ROR1: variants seen among roughly 807,000 people sequenced by gnomAD.
The protein encoded by ROR1 is inactive tyrosine-protein kinase transmembrane receptor ROR1.
In ROR1, 19 loss-of-function variants were observed where a neutral mutation model predicts 78.8. The observed-to-expected ratio is 0.24, with a 90% confidence interval of 0.17 to 0.35. The LOEUF is 0.35. Ranked by LOEUF, ROR1 falls within the 10% of genes least tolerant of loss-of-function variation. The pLI is 1.00. For synonymous variants in ROR1, 386 were observed against 433.6 expected (o/e 0.89, Z 1.36); for missense variants, 917 against 1,177.8 (o/e 0.78, Z 3.24).
chr1:64,043,693 A>G (rs2100584629), intron 2 of ROR1, among the ~76,000 whole-genome samples: 1 of 152,234 alleles, frequency 6.6e-6, no homozygotes, highest in South Asian at 2.1e-4. Flanking sequence ...GGTTGGATTG[A>G]TTGGGAATCT....
At chr1:63,951,717 T>C (rs921065731) in intron 1 of ROR1, among the ~76,000 whole-genome samples, 11 of 151,804 alleles carry the variant, frequency 7.2e-5, no homozygotes, top group Non-Finnish European at 1.2e-4. Context: ...CACCCCCCCC[T>C]CACCACCAGC....
At chr1:63,819,772 T>G (rs1644913308) in intron 1 of ROR1, among the ~76,000 whole-genome samples, 1 of 152,230 alleles carries the variant, frequency 6.6e-6, no homozygotes, top group Non-Finnish European at 1.5e-5. Flanking sequence ...TCATTAAGTT[T>G]CATCATAAAG....
chr1:63,792,448 C>T (rs1318594237), intron 1 of ROR1, among the ~76,000 whole-genome samples: 4 of 152,126 alleles, frequency 2.6e-5, no homozygotes, highest in African/African-American at 9.7e-5. Context: ...TTCTCATTTA[C>T]ATGGGGAGTG....
rs1402224025 is a variant in ROR1, at chr1:63,892,562, T to C, written c.92-116743T>C. Among the ~76,000 whole-genome samples, 5 of 152,184 alleles carry C rather than the reference T, an allele frequency of 3.3e-5. No homozygotes were observed. In the South Asian group the frequency reaches 6.2e-4, roughly 19 times the overall value. ...AGATGTGAAAGCCTGAGAAGGCAGA[T>C]AGATAAATGTTACTTGCCCTAGGTC... On this transcript the variant is annotated intron_variant, in intron 1 of 8. Coordinates refer to ENST00000371079, the MANE Select transcript of ROR1 (RefSeq NM_005012.4).
intron 1 of ROR1, among the ~76,000 whole-genome samples, chr1:63,997,973 C>T (rs899389039): frequency 6.6e-6 from 1 of 152,058 alleles, no homozygotes; most frequent in African/African-American, 2.4e-5. Flanking sequence ...TACTATTATG[C>T]CCATTTTATG....
chr1:63,858,205 T>C (rs1645160236), intron 1 of ROR1, among the ~76,000 whole-genome samples: 1 of 152,246 alleles, frequency 6.6e-6, no homozygotes, highest in Non-Finnish European at 1.5e-5. Context: ...GGCCCCATGT[T>C]TATTTTCCTG....
Position 63,880,653 on chromosome 1 carries a change from G to A in ROR1, c.91+106145G>A, listed in dbSNP as rs142423680. 9.4e-3 allele frequency among the ~76,000 whole-genome samples: 1,437 copies of A among 152,242 alleles called. 29 individuals are homozygous for A. The highest frequency in any genetic ancestry group is 0.033 in the African/African-American group (1,353 of 41,548). On this transcript the variant is annotated intron_variant, in intron 1 of 8. Coordinates refer to ENST00000371079, the MANE Select transcript of ROR1 (RefSeq NM_005012.4). ...TGATTTAATTTGAGCTCTGTTTGAG[G>A]TGTTGGCTCTGTTTGTTGATTATGC...
In ROR1 at chr1:63,867,870, C is replaced by T. The variant is rs552278209; in HGVS notation, c.91+93362C>T. The stretch of plus-strand genomic sequence containing the variant: ...CTTCCTTGATCTGCTTCTCTTTTCC[C>T]GATTCCGGCTGTCTGGGGGATGCTG... On this transcript the variant is annotated intron_variant, in intron 1 of 8. Coordinates refer to ENST00000371079, the MANE Select transcript of ROR1 (RefSeq NM_005012.4). Among the ~76,000 whole-genome samples, 231 of 152,324 alleles carry T rather than the reference C, an allele frequency of 1.5e-3. 1 individual carries two copies. Among genetic ancestry groups the T allele is most frequent in the Non-Finnish European group, 2.7e-3 (186 of 68,040 alleles).
Position 64,085,944 on chromosome 1 carries a change from C to T in ROR1, c.482+35228C>T, listed in dbSNP as rs115872257. Among the ~76,000 whole-genome samples the T allele has an allele frequency of 8.7e-4, 133 of 152,218 alleles. 1 individual carries two copies. Among genetic ancestry groups the T allele is most frequent in the African/African-American group, 3.2e-3 (131 of 41,534 alleles). ...TTGTTAACAGCAACGGGGCATGTGC[C>T]GTTGGTTATCATGGCGGGAAAGAAA... On this transcript the variant is annotated intron_variant, in intron 4 of 8. Transcript: ENST00000371079.
At chr1:63,946,636 G>A (rs529019964) in intron 1 of ROR1, among the ~76,000 whole-genome samples, 1 of 152,316 alleles carries the variant, frequency 6.6e-6, no homozygotes, top group Admixed American at 6.5e-5. Context: ...AGTAACAGAG[G>A]CTCAGAGGGG....
At position 64,080,125 on chromosome 1, in the gene ROR1, C is replaced by T. The variant is rs938559981; in HGVS notation, c.482+29409C>T. ...TTTGCGCATCTTTCATGCCCTGTAC[C>T]TTTCTTTTCATTTGCCCCCTGCATT... On this transcript the variant is annotated intron_variant, in intron 4 of 8. Coordinates refer to ENST00000371079, the MANE Select transcript of ROR1 (RefSeq NM_005012.4). 1.1e-4 allele frequency among the ~76,000 whole-genome samples: 16 copies of T among 152,244 alleles called. 1 individual carries two copies. Among genetic ancestry groups the T allele is most frequent in the East Asian group, 1.9e-4 (1 of 5,176 alleles).
chr1:63,868,256 A>G (rs1272709260), intron 1 of ROR1, among the ~76,000 whole-genome samples: 4 of 152,000 alleles, frequency 2.6e-5, no homozygotes, highest in Non-Finnish European at 4.4e-5. Context: ...TTAAATCTCT[A>G]CTTTCTGTGT....
intron 1 of ROR1, among the ~76,000 whole-genome samples, chr1:63,929,441 C>T (rs1238441116): frequency 1.3e-5 from 2 of 151,976 alleles, no homozygotes; most frequent in Non-Finnish European, 2.9e-5. Context: ...CTCTCTCTCT[C>T]GGTTGCTTTC....
At chr1:63,903,117 T>A (rs1276757366) in intron 1 of ROR1, among the ~76,000 whole-genome samples, 4 of 152,130 alleles carry the variant, frequency 2.6e-5, no homozygotes, top group Non-Finnish European at 5.9e-5. Flanking sequence ...CTGAGCACAT[T>A]GTTGCCCCCA....
At chr1:64,018,741 C>G (rs1646541249) in intron 2 of ROR1, among the ~76,000 whole-genome samples, 1 of 152,124 alleles carries the variant, frequency 6.6e-6, no homozygotes, top group Admixed American at 6.6e-5. Flanking sequence ...CTTTATGCAT[C>G]CTTATCTCTC....
chr1:64,024,069 A>G (rs776168888), intron 2 of ROR1, among the ~76,000 whole-genome samples: 58 of 152,176 alleles, frequency 3.8e-4, no homozygotes, highest in Non-Finnish European at 2.1e-4. Flanking sequence ...ACCTTCTGCC[A>G]TGATTCTAAG....
chr1:64,063,807 A>G (rs1646935520), intron 4 of ROR1, among the ~76,000 whole-genome samples: 1 of 152,186 alleles, frequency 6.6e-6, no homozygotes, highest in Admixed American at 6.5e-5. Flanking sequence ...ACCCTAGATA[A>G]GTTAAATCAG....
chr1:64,139,752 A>G (rs1038022632), intron 5 of ROR1, among the ~76,000 whole-genome samples: 1 of 152,212 alleles, frequency 6.6e-6, no homozygotes, highest in Non-Finnish European at 1.5e-5. Flanking sequence ...ACAGCTGTCA[A>G]ATGTTTTAGA....
chr1:64,050,782 C>A, intron 4 of ROR1, 66 bp downstream of exon 4: 1 of 1,481,040 alleles, frequency 6.8e-7, no homozygotes, highest in Non-Finnish European at 9.4e-7. Flanking sequence ...AGGGCAAAAG[C>A]AATGTTGTCC....
Sources: gnomAD v4.1 joint callset for allele counts (sites outside exome capture counted in the v4.1 genomes callset) on GRCh38, gnomAD v4.1.1 for gene constraint, MANE v1.5 for transcripts, NCBI Gene and HGNC (gene_info 2026-07-23, HGNC 2026-07-21) for gene names.